HERC4: variants seen among roughly 807,000 people sequenced by gnomAD.
The protein encoded by HERC4 is probable E3 ubiquitin-protein ligase HERC4.
Under a neutral mutation model 124.3 loss-of-function variants are expected in HERC4, and 28 were observed. The observed-to-expected ratio is 0.23, with a 90% confidence interval of 0.17 to 0.31. HERC4 has a LOEUF of 0.31. HERC4 is among the 10% of genes least tolerant of loss of function. The pLI is 1.00. For synonymous variants in HERC4, 407 were observed against 421.5 expected (o/e 0.97, Z 0.42); for missense variants, 713 against 1,229.3 (o/e 0.58, Z 6.28).
intron 3 of HERC4, among the ~76,000 whole-genome samples, chr10:68,044,883 A>G (rs1282458999): frequency 2.6e-5 from 4 of 152,204 alleles, no homozygotes; most frequent in Non-Finnish European, 5.9e-5. Flanking sequence ...TGTACCTTCT[A>G]TTCAAATCTA....
chr10:68,030,407 C>T (rs2039142511), intron 7 of HERC4, among the ~76,000 whole-genome samples: 2 of 152,164 alleles, frequency 1.3e-5, no homozygotes, highest in South Asian at 4.1e-4. Flanking sequence ...CACCACTGTA[C>T]TCCAGCCTGG....
At chr10:68,055,899 C>T (rs1312128760) in intron 3 of HERC4, among the ~76,000 whole-genome samples, 4 of 150,788 alleles carry the variant, frequency 2.7e-5, no homozygotes, top group African/African-American at 7.3e-5. Flanking sequence ...TTACAGGCAC[C>T]GGCCACCATG....
intron 3 of HERC4, chr10:68,069,926 C>A (rs780744210): frequency 1.5e-5 from 6 of 407,082 alleles, no homozygotes; most frequent in African/African-American, 2.2e-5. Flanking sequence ...CCTATAGTCC[C>A]ACCTACTCGG....
intron 16 of HERC4, among the ~76,000 whole-genome samples, chr10:67,963,036 T>C (rs2034621010): frequency 6.6e-6 from 1 of 152,098 alleles, no homozygotes; most frequent in South Asian, 2.1e-4. Flanking sequence ...CTCAGAGAAA[T>C]TAAGTAATTT....
chr10:68,041,773 T>C (rs1007082455), intron 4 of HERC4, among the ~76,000 whole-genome samples: 9 of 152,206 alleles, frequency 5.9e-5, no homozygotes, highest in Admixed American at 4.6e-4. Context: ...ATATATTCTA[T>C]ATTAACATCT....
At chr10:68,070,911 T>C (rs904015035) in intron 3 of HERC4, among the ~76,000 whole-genome samples, 3 of 152,224 alleles carry the variant, frequency 2.0e-5, no homozygotes, top group Admixed American at 6.5e-5. Context: ...CTTACTTTAA[T>C]TCTATCCCAT....
intron 9 of HERC4, among the ~76,000 whole-genome samples, chr10:67,998,298 A>AT (rs1258459038): frequency 6.6e-6 from 1 of 151,612 alleles, no homozygotes; most frequent in African/African-American, 2.4e-5. Flanking sequence ...CTGTAATCCC[A>AT]GCATTTTGGG....
chr10:67,926,077 G>C (rs1383473904), intron 23 of HERC4, among the ~76,000 whole-genome samples: 1 of 152,076 alleles, frequency 6.6e-6, no homozygotes, highest in Non-Finnish European at 1.5e-5. Flanking sequence ...GCTGCAATAG[G>C]ACTAAAATAT....
chr10:67,956,632 G>GA, intron 17 of HERC4: 1 of 274,050 alleles, frequency 3.6e-6, no homozygotes, highest in Non-Finnish European at 6.7e-6. Flanking sequence ...TTTCTGTAAT[G>GA]AAAGAGGCTT....
intron 5 of HERC4, among the ~76,000 whole-genome samples, chr10:68,035,325 A>T (rs1261831541): frequency 6.6e-6 from 1 of 151,826 alleles, no homozygotes; most frequent in Non-Finnish European, 1.5e-5. Flanking sequence ...GCTAATTTTT[A>T]AAAAATATTT....
At chr10:67,997,325 T>A (rs934495020) in intron 9 of HERC4, among the ~76,000 whole-genome samples, 4 of 152,248 alleles carry the variant, frequency 2.6e-5, no homozygotes, top group Non-Finnish European at 4.4e-5. Context: ...CTATGCTTTA[T>A]GTTGTCTTTA....
At chr10:68,059,194 T>C (rs1035949262) in intron 3 of HERC4, among the ~76,000 whole-genome samples, 1 of 151,902 alleles carries the variant, frequency 6.6e-6, no homozygotes, top group Non-Finnish European at 1.5e-5. Flanking sequence ...TTTTTCCATA[T>C]GAACTTGAGT....
intron 15 of HERC4, among the ~76,000 whole-genome samples, chr10:67,971,906 A>C (rs938936556): frequency 2.0e-5 from 3 of 152,090 alleles, no homozygotes; most frequent in African/African-American, 7.2e-5. Flanking sequence ...AAAGGCCAAC[A>C]CTCAAAACTC....
chr10:68,039,348 G>GA (rs2039646456), intron 4 of HERC4: 8 of 1,249,150 alleles, frequency 6.4e-6, no homozygotes, highest in Non-Finnish European at 8.6e-6. Context: ...AGAAAGAAAA[G>GA]AAAAAACGGG....
intron 8 of HERC4, among the ~76,000 whole-genome samples, chr10:68,019,764 G>A (rs541213920): frequency 4.9e-4 from 75 of 152,168 alleles, no homozygotes; most frequent in Non-Finnish European, 8.8e-4. Context: ...GCTTCCAGGA[G>A]CAGCCTGTAT....
Position 68,044,321 on chromosome 10 carries a change from GC to G in HERC4, c.386+82del. The G allele has an allele frequency of 8.3e-6, 11 of 1,332,134 alleles. 1 individual carries two copies. In the South Asian group the frequency reaches 1.7e-4, roughly 20 times the overall value. The allele number at this position is 1,332,134 out of a possible 1,614,324, so 82.5% of individuals were successfully genotyped here. ...AATAATGAGATGTCAACTCTTACAG[GC>G]CCAAAGATAAGCAGAACAATTTAGA... On this transcript the variant is annotated intron_variant, in intron 4 of 24. Transcript: ENST00000373700.
At chr10:67,992,417 A>T (rs2036601732) in intron 10 of HERC4, 94 bp from the exon 11 acceptor site, 1 of 1,483,188 alleles carries the variant, frequency 6.7e-7, no homozygotes. Flanking sequence ...CTTTAAACAG[A>T]ATTAAATCTC....
intron 9 of HERC4, among the ~76,000 whole-genome samples, chr10:68,005,756 T>A (rs889761379): frequency 6.6e-6 from 1 of 152,158 alleles, no homozygotes; most frequent in Non-Finnish European, 1.5e-5. Context: ...CACACTGAAG[T>A]GCAGTGGCAC....
intron 21 of HERC4, among the ~76,000 whole-genome samples, chr10:67,936,948 T>A (rs1195855621): frequency 1.3e-5 from 2 of 152,110 alleles, no homozygotes; most frequent in African/African-American, 4.8e-5. Context: ...GAACTAATTA[T>A]AATAAAATAA....
Sources: gnomAD v4.1 joint callset for allele counts (sites outside exome capture counted in the v4.1 genomes callset) on GRCh38, gnomAD v4.1.1 for gene constraint, MANE v1.5 for transcripts, NCBI Gene and HGNC (gene_info 2026-07-23, HGNC 2026-07-21) for gene names.